Variants in ZDHHC14 observed in about 807,000 individuals in gnomAD.
ZDHHC14 encodes palmitoyltransferase ZDHHC14.
In ZDHHC14, 16 loss-of-function variants were observed where a neutral mutation model predicts 47.7. The observed-to-expected ratio is 0.34, with a 90% confidence interval of 0.23 to 0.51. ZDHHC14 has a LOEUF of 0.51. Among genes scored for constraint, ZDHHC14 ranks in the 20% least tolerant of loss-of-function variants. The pLI is 0.97. For synonymous variants in ZDHHC14, 293 were observed against 278.9 expected, an observed-to-expected ratio of 1.05 and a Z score of -0.50; for missense variants, 515 against 662.5, an observed-to-expected ratio of 0.78 and a Z score of 2.44.
chr6:157,428,447 G>T (rs1258978644), intron 1 of ZDHHC14, among the ~76,000 whole-genome samples: 1 of 152,094 alleles, frequency 6.6e-6, no homozygotes, highest in Non-Finnish European at 1.5e-5. Context: ...ACAAGTAATT[G>T]AGAGTAAAAA....
At chr6:157,519,105 C>A (rs1176341663) in intron 1 of ZDHHC14, among the ~76,000 whole-genome samples, 1 of 152,116 alleles carries the variant, frequency 6.6e-6, no homozygotes, top group African/African-American at 2.4e-5. Context: ...TTTTAGTGAT[C>A]TCAGAAACAT....
chr6:157,439,324 C>T (rs1238778288), intron 1 of ZDHHC14, among the ~76,000 whole-genome samples: 5 of 152,076 alleles, frequency 3.3e-5, no homozygotes, highest in Middle Eastern at 3.2e-3. Flanking sequence ...CAAGAAAAAA[C>T]AACCCTATTA....
At chr6:157,620,286 T>C (rs1172440444) in intron 3 of ZDHHC14, among the ~76,000 whole-genome samples, 1 of 152,172 alleles carries the variant, frequency 6.6e-6, no homozygotes, top group Non-Finnish European at 1.5e-5. Flanking sequence ...GCATGCTGGC[T>C]CAGGTCTCCC....
intron 1 of ZDHHC14, among the ~76,000 whole-genome samples, chr6:157,458,436 G>A (rs1010378601): frequency 1.3e-5 from 2 of 152,046 alleles, no homozygotes; most frequent in Non-Finnish European, 2.9e-5. Context: ...ATAATCACAG[G>A]AATATAAGAG....
chr6:157,536,395 G>A (rs2114792929), intron 1 of ZDHHC14, among the ~76,000 whole-genome samples: 1 of 152,252 alleles, frequency 6.6e-6, no homozygotes, highest in East Asian at 1.9e-4. Flanking sequence ...TCCATTTATA[G>A]ACAAAACATT....
chr6:157,641,559 G>A lies in ZDHHC14; in HGVS notation c.753-4178G>A, dbSNP rs192813869. Among the ~76,000 whole-genome samples the A allele has an allele frequency of 1.2e-3, 187 of 151,726 alleles. 2 individuals are homozygous for A. Among genetic ancestry groups the A allele is most frequent in the Non-Finnish European group, 1.7e-3 (115 of 67,952 alleles). ...GTTGAGTTATTTGTTCTTTTTCTAC[G>A]AACATGTAGGGGTTCTTTATGTTTC... is the stretch of plus-strand genomic sequence containing the variant. On this transcript the variant is annotated intron_variant, in intron 5 of 8. Transcript: ENST00000359775.
intron 5 of ZDHHC14, among the ~76,000 whole-genome samples, chr6:157,644,613 A>G (rs911406827): frequency 2.0e-5 from 3 of 152,208 alleles, no homozygotes; most frequent in African/African-American, 4.8e-5. Context: ...ACGGCACCGC[A>G]CTGGGTAATG....
chr6:157,564,825 T>C (rs1304351822), intron 2 of ZDHHC14, among the ~76,000 whole-genome samples: 1 of 152,206 alleles, frequency 6.6e-6, no homozygotes, highest in Non-Finnish European at 1.5e-5. Flanking sequence ...TGAGAACTCA[T>C]AGGTTTGGGC....
intron 1 of ZDHHC14, among the ~76,000 whole-genome samples, chr6:157,449,035 G>A (rs34033776): frequency 0.22 from 32,973 of 152,178 alleles, 3,886 homozygotes; most frequent in African/African-American, 0.28. Flanking sequence ...CGAGAGTGAA[G>A]GTATTCTGAC....
rs751623893 is a variant in ZDHHC14 at position 157,647,387 on chromosome 6, C to T, written c.965+19C>T. On this transcript the variant is annotated intron_variant, in intron 7 of 8. Coordinates refer to ENST00000359775, the MANE Select transcript of ZDHHC14 (RefSeq NM_024630.3). ...CACCAAGGTAAGACTCAGGACGCAT[C>T]GTGCTCTTCAACAGACCTTGGAAAA... 7.5e-6 allele frequency: 12 copies of T among 1,591,746 alleles called. No homozygotes were observed. The highest frequency in any genetic ancestry group is 1.7e-4 in the Middle Eastern group (1 of 6,030).
chr6:157,654,818 C>T (rs1562532041), intron 8 of ZDHHC14, among the ~76,000 whole-genome samples: 1 of 151,998 alleles, frequency 6.6e-6, no homozygotes. Flanking sequence ...TCACTGCAAC[C>T]TCTGCCTCCC....
intron 8 of ZDHHC14, among the ~76,000 whole-genome samples, chr6:157,657,952 G>C (rs1243466658): frequency 2.0e-5 from 3 of 152,208 alleles, no homozygotes; most frequent in Non-Finnish European, 2.9e-5. Flanking sequence ...CTCTGCCTCA[G>C]TGTTTTCATC....
At chr6:157,630,728 C>CCCCCTTACACACACATACT (rs1785662829) in intron 4 of ZDHHC14, 1 of 150,230 alleles carries the variant, frequency 6.7e-6, no homozygotes, top group African/African-American at 2.5e-5. Flanking sequence ...CACCCACACA[C>CCCCCTTACACACACATACT]CGCCTTACAC....
chr6:157,475,691 T>C (rs756419258), intron 1 of ZDHHC14, among the ~76,000 whole-genome samples: 1 of 152,188 alleles, frequency 6.6e-6, no homozygotes, highest in Non-Finnish European at 1.5e-5. Flanking sequence ...GAAACAACAC[T>C]GATTGTTAGT....
At chr6:157,456,841 G>A (rs1293273486) in intron 1 of ZDHHC14, among the ~76,000 whole-genome samples, 2 of 152,028 alleles carry the variant, frequency 1.3e-5, no homozygotes, top group East Asian at 3.9e-4. Context: ...CGCATTACAT[G>A]TGCTGGTACA....
intron 1 of ZDHHC14, among the ~76,000 whole-genome samples, chr6:157,486,462 G>A (rs1450147083): frequency 2.6e-5 from 4 of 152,182 alleles, no homozygotes; most frequent in Non-Finnish European, 4.4e-5. Flanking sequence ...TCTAAAATTC[G>A]AATTCTCACT....
intron 3 of ZDHHC14, among the ~76,000 whole-genome samples, chr6:157,616,117 C>G (rs1784953349): frequency 6.6e-6 from 1 of 152,042 alleles, no homozygotes; most frequent in South Asian, 2.1e-4. Context: ...ACTGGAAGGC[C>G]CTGTTGGCAA....
In ZDHHC14 at chr6:157,615,297, C is replaced by G. The variant is rs140520564; in HGVS notation, c.566-13052C>G. Among the ~76,000 whole-genome samples the G allele has an allele frequency of 3.9e-3, 592 of 152,306 alleles. 9 individuals carry two copies. The highest frequency in any genetic ancestry group is 0.014 in the African/African-American group (562 of 41,576). ...AGCACACTGTATTTAGAGCTCCAGA[C>G]GTCTGTGCGGACCCAAGTCTGCTGG... On this transcript the variant is annotated intron_variant, in intron 3 of 8. Coordinates refer to ENST00000359775, the MANE Select transcript of ZDHHC14 (RefSeq NM_024630.3).
rs1307587881 is a variant in ZDHHC14, at chr6:157,439,375, A to C, written c.245+57109A>C. On this transcript the variant is annotated intron_variant, in intron 1 of 8. Transcript: ENST00000359775. ...ACATGAACAGACACTTCTCAAAGGA[A>C]GACATTTATGTGGCCAACAAACATA... 3.3e-5 allele frequency among the ~76,000 whole-genome samples: 5 copies of C among 152,232 alleles called. No individual in the cohort carries two copies. In the East Asian group the frequency reaches 9.6e-4, roughly 29 times the overall value.
Sources: gnomAD v4.1 joint callset for allele counts (sites outside exome capture counted in the v4.1 genomes callset) on GRCh38, gnomAD v4.1.1 for gene constraint, MANE v1.5 for transcripts, NCBI Gene and HGNC (gene_info 2026-07-23, HGNC 2026-07-21) for gene names.